PEPD: variants seen among roughly 807,000 people sequenced by gnomAD.
PEPD encodes the protein peptidase D.
In PEPD, 53 loss-of-function variants were observed where a neutral mutation model predicts 60.7. That is an observed-to-expected ratio of 0.87 (90% CI 0.70 to 1.10). The LOEUF is 1.10. Ranked by LOEUF, PEPD falls within the 50% of genes least tolerant of loss-of-function variation. The pLI is 0.00. For synonymous variants in PEPD, 267 were observed against 284.1 expected (o/e 0.94, Z 0.60); for missense variants, 711 against 711.9 (o/e 1.00, Z 0.01).
At chr19:33,392,025 A>T (rs10853925) in intron 12 of PEPD, among the ~76,000 whole-genome samples, 32,456 of 152,190 alleles carry the variant, frequency 0.21, 4,169 homozygotes, top group African/African-American at 0.37. Context: ...TGGGGATGAA[A>T]CACCCCTGGA....
intron 11 of PEPD, among the ~76,000 whole-genome samples, chr19:33,408,020 G>A (rs536769986): frequency 6.6e-5 from 10 of 152,236 alleles, no homozygotes; most frequent in Non-Finnish European, 1.3e-4. Flanking sequence ...CAGGAACCAG[G>A]GTGTCTGGTT....
chr19:33,473,411 T>C (rs1330625923), intron 7 of PEPD, among the ~76,000 whole-genome samples: 1 of 152,104 alleles, frequency 6.6e-6, no homozygotes. Flanking sequence ...GCTTCCCATC[T>C]CCTGTGCACA....
At chr19:33,429,916 G>A (rs1969234545) in intron 9 of PEPD, among the ~76,000 whole-genome samples, 1 of 152,194 alleles carries the variant, frequency 6.6e-6, no homozygotes, top group Non-Finnish European at 1.5e-5. Context: ...TAAAGACGGG[G>A]TATTACTTTT....
chr19:33,491,909 A>G (rs1970506565), intron 5 of PEPD, among the ~76,000 whole-genome samples: 1 of 152,216 alleles, frequency 6.6e-6, no homozygotes, highest in Non-Finnish European at 1.5e-5. Flanking sequence ...TATTACAGCT[A>G]GCAGATATTT....
At chr19:33,397,519 A>C (rs1968393183) in intron 12 of PEPD, among the ~76,000 whole-genome samples, 1 of 151,812 alleles carries the variant, frequency 6.6e-6, no homozygotes, top group South Asian at 2.1e-4. Flanking sequence ...GGCCTGCCCC[A>C]CGGGCCTTCA....
At chr19:33,416,932 G>A (rs1342137341) in intron 9 of PEPD, among the ~76,000 whole-genome samples, 1 of 152,226 alleles carries the variant, frequency 6.6e-6, no homozygotes, top group East Asian at 1.9e-4. Context: ...CAAGTTCCCA[G>A]ACCCAGATCT....
chr19:33,389,492 T>C (rs1208930901), intron 13 of PEPD, among the ~76,000 whole-genome samples: 10 of 137,156 alleles, frequency 7.3e-5, no homozygotes, highest in Admixed American at 6.9e-4. Context: ...AAGCCTGTGC[T>C]GGGCTCCCCC....
rs556881936 is a variant in PEPD, at chr19:33,400,321, C to T, written c.967+1400G>A. ...GTGCTGAGGGCGGGCCCTGGCCAGA[C>T]GATCCAGCTGTGAGTACAGGGCCAT... is the stretch of plus-strand genomic sequence containing the variant. On this transcript the variant is annotated intron_variant, in intron 12 of 14. Transcript: ENST00000244137. Among the ~76,000 whole-genome samples, 9 of 152,340 alleles carry T rather than the reference C, an allele frequency of 5.9e-5. No individual in the cohort carries two copies. The South Asian group carries it at 6.2e-4, about 11-fold the overall frequency.
At position 33,422,500 on chromosome 19, in the gene PEPD, C is replaced by A. The variant is rs569132017; in HGVS notation, c.672-8857G>T. ...ATCTACCTATCATCCATCTACCCAT[C>A]CACCTATCCATCTATCATCTATTTA... On this transcript the variant is annotated intron_variant, in intron 9 of 14. Coordinates refer to ENST00000244137, the MANE Select transcript of PEPD (RefSeq NM_000285.4). Among the ~76,000 whole-genome samples, 144 of 152,042 alleles carry A rather than the reference C, an allele frequency of 9.5e-4. 1 individual carries two copies. Among genetic ancestry groups the A allele is most frequent in the African/African-American group, 3.2e-3 (133 of 41,480 alleles).
intron 6 of PEPD, among the ~76,000 whole-genome samples, 185 bp from the exon 7 acceptor site, chr19:33,478,275 T>C (rs947474311): frequency 2.0e-5 from 3 of 152,192 alleles, no homozygotes; most frequent in African/African-American, 7.2e-5. Flanking sequence ...GCCTGGGCCA[T>C]GTCCTCCAAA....
At chr19:33,453,030 TAAC>T (rs1364561073) in intron 9 of PEPD, among the ~76,000 whole-genome samples, 11 of 152,022 alleles carry the variant, frequency 7.2e-5, no homozygotes, top group East Asian at 1.9e-4. Context: ...AGTGAAAAAA[TAAC>T]AACAATGGCC....
At chr19:33,416,542 G>T (rs972933867) in intron 9 of PEPD, among the ~76,000 whole-genome samples, 7 of 152,170 alleles carry the variant, frequency 4.6e-5, no homozygotes, top group African/African-American at 1.7e-4. Context: ...CTGCTCACCT[G>T]GAAGGCGGAT....
intron 9 of PEPD, among the ~76,000 whole-genome samples, chr19:33,461,806 G>A (rs544887384): frequency 4.9e-4 from 75 of 152,318 alleles, no homozygotes; most frequent in African/African-American, 1.6e-3. Context: ...CGCAAGTGCT[G>A]GGATAGCTCT....
At chr19:33,406,938 C>T in intron 11 of PEPD, among the ~76,000 whole-genome samples, 1 of 152,282 alleles carries the variant, frequency 6.6e-6, no homozygotes. Context: ...CACCCACCCC[C>T]CATGCCCAGG....
At chr19:33,498,919 C>T (rs570670093) in intron 4 of PEPD, among the ~76,000 whole-genome samples, 8 of 152,296 alleles carry the variant, frequency 5.3e-5, no homozygotes, top group African/African-American at 1.7e-4. Context: ...CAGGGCCCAC[C>T]CCAGGCTGCC....
intron 11 of PEPD, among the ~76,000 whole-genome samples, chr19:33,403,175 C>T (rs1968542912): frequency 6.6e-6 from 1 of 152,222 alleles, no homozygotes; most frequent in Non-Finnish European, 1.5e-5. Context: ...TCCATCCCAC[C>T]TAGGCACCTC....
At position 33,490,033 on chromosome 19, in the gene PEPD, T is replaced by G. The variant is rs975940181; in HGVS notation, c.466A>C (p.Ser156Arg). Reference sequence around the variant, plus strand: ...TCAAAGGAGGCCTCCCTGCAGACACTGCCGCTGTCCGTGTTGACGCCACGC... The same window carrying G: ...TCAAAGGAGGCCTCCCTGCAGACACGGCCGCTGTCCGTGTTGACGCCACGC... ...TLRGVNTDSG[S>R]VCREASFDGI... Residue 156 changes from serine (S) to arginine (R), a missense_variant, in exon 6 of 15, where the codon AGT becomes CGT. Physicochemically the swap from Ser to Arg is moderately radical, Grantham distance 110. Coordinates refer to ENST00000244137, the MANE Select transcript of PEPD (RefSeq NM_000285.4). 1 of 1,612,456 alleles carries G rather than the reference T, an allele frequency of 6.2e-7. No homozygotes were observed. Among genetic ancestry groups the G allele is most frequent in the Non-Finnish European group, 8.5e-7 (1 of 1,179,126 alleles).
chr19:33,443,172 C>G (rs1179684370), intron 9 of PEPD, among the ~76,000 whole-genome samples: 3 of 152,280 alleles, frequency 2.0e-5, no homozygotes, highest in African/African-American at 7.2e-5. Context: ...TGGAATCACA[C>G]AGCGTGTGGC....
chr19:33,398,916 C>A (rs1307275328), intron 12 of PEPD, among the ~76,000 whole-genome samples: 1 of 152,208 alleles, frequency 6.6e-6, no homozygotes, highest in Non-Finnish European at 1.5e-5. Flanking sequence ...TACCCTCTGG[C>A]GCTCTTCTGT....
Sources: gnomAD v4.1 joint callset for allele counts (sites outside exome capture counted in the v4.1 genomes callset) on GRCh38, gnomAD v4.1.1 for gene constraint, MANE v1.5 for transcripts, NCBI Gene and HGNC (gene_info 2026-07-23, HGNC 2026-07-21) for gene names.